MAP4K1: variants seen among roughly 807,000 people sequenced by gnomAD.
MAP4K1 encodes the protein MAPK/ERK kinase kinase kinase 1.
In MAP4K1, 35 loss-of-function variants were observed where a neutral mutation model predicts 122.8. That is an observed-to-expected ratio of 0.29 (90% CI 0.22 to 0.38). MAP4K1 has a LOEUF of 0.38. Ranked by LOEUF, MAP4K1 falls within the 10% of genes least tolerant of loss-of-function variation. The pLI is 1.00. For synonymous variants in MAP4K1, 412 were observed against 421.3 expected (o/e 0.98, Z 0.27); for missense variants, 791 against 1,072.6 (o/e 0.74, Z 3.67).
intron 12 of MAP4K1, 41 bp from the exon 13 acceptor site, chr19:38,609,715 A>G (rs1300751435): frequency 1.3e-6 from 2 of 1,565,814 alleles, no homozygotes; most frequent in South Asian, 2.3e-5. Context: ...AAGACCCCCA[A>G]GCAGCCTCCT....
intron 4 of MAP4K1, 41 bp downstream of exon 4, chr19:38,616,154 G>A (rs745505321): frequency 6.5e-7 from 1 of 1,527,908 alleles, no homozygotes; most frequent in Non-Finnish European, 9.0e-7. Context: ...GGGGGGTGGG[G>A]ATAGGGAGGG....
chr19:38,607,024 G>T (rs1056292151), intron 16 of MAP4K1, among the ~76,000 whole-genome samples: 3 of 152,080 alleles, frequency 2.0e-5, no homozygotes, highest in African/African-American at 7.2e-5. Context: ...GCCTGAGGGC[G>T]GGCAAAAAGA....
rs535773171 is a variant in MAP4K1 at position 38,588,511 on chromosome 19, T to C, written c.2397-694A>G. ...TTCAAGACCAGCCTGGCCAATATGG[T>C]GAATCCCATCTCTACTAAAACTACA... On this transcript the variant is annotated intron_variant, in intron 30 of 30. Transcript: ENST00000396857. Among the ~76,000 whole-genome samples the C allele has an allele frequency of 6.6e-3, 1,007 of 151,892 alleles. 5 individuals are homozygous for C. Among genetic ancestry groups the C allele is most frequent in the Non-Finnish European group, 9.2e-3 (625 of 67,950 alleles).
chr19:38,593,205 C>G, intron 30 of MAP4K1, 77 bp downstream of exon 30: 1 of 1,398,950 alleles, frequency 7.1e-7, no homozygotes, highest in East Asian at 2.4e-5. Flanking sequence ...AGATACCTTG[C>G]TGGGGACACC....
chr19:38,596,856 G>C (rs1974903250), intron 25 of MAP4K1, among the ~76,000 whole-genome samples, 178 bp downstream of exon 25: 1 of 152,202 alleles, frequency 6.6e-6, no homozygotes, highest in Admixed American at 6.5e-5. Context: ...TTAAGGATCA[G>C]GATGGCTTCA....
intron 4 of MAP4K1, 119 bp downstream of exon 4, chr19:38,616,076 T>C (rs1384746535): frequency 1.0e-5 from 7 of 674,304 alleles, no homozygotes; most frequent in African/African-American, 7.8e-5. Flanking sequence ...GTTTGAAATA[T>C]GGCCCAGAAA....
chr19:38,615,971 T>TA (rs746145466), intron 4 of MAP4K1, among the ~76,000 whole-genome samples: 3,147 of 107,374 alleles, frequency 0.029, 58 homozygotes, highest in Middle Eastern at 0.091. Context: ...GCAGTTATAT[T>TA]AAAAAAAAAA....
At chr19:38,606,074 T>C in intron 17 of MAP4K1, 99 bp downstream of exon 17, 1 of 952,714 alleles carries the variant, frequency 1.0e-6, no homozygotes. Flanking sequence ...CCCAATTCCC[T>C]GCCCTGGAGA....
intron 19 of MAP4K1, 134 bp from the exon 20 acceptor site, chr19:38,601,659 TA>T: frequency 1.5e-6 from 1 of 657,632 alleles, no homozygotes; most frequent in Non-Finnish European, 2.7e-6. Flanking sequence ...CAATTTCCCA[TA>T]ATCTATCCCT....
intron 19 of MAP4K1, among the ~76,000 whole-genome samples, chr19:38,604,518 CG>C (rs1220330063): frequency 1.3e-5 from 2 of 152,066 alleles, no homozygotes; most frequent in Non-Finnish European, 2.9e-5. Context: ...TAGCTGGGCG[CG>C]GTGGCTCATG....
At chr19:38,588,811 C>T (rs1599682203) in intron 30 of MAP4K1, among the ~76,000 whole-genome samples, 2 of 151,130 alleles carry the variant, frequency 1.3e-5, no homozygotes, top group African/African-American at 2.4e-5. Context: ...CCCAGCTATT[C>T]GGGAGGCTGA....
rs1345566291 is a variant in MAP4K1 at position 38,608,160 on chromosome 19, C to G, written c.1017G>C (p.Met339Ile). 1.3e-6 allele frequency: 2 copies of G among 1,518,836 alleles called. No homozygotes were observed. Among genetic ancestry groups the G allele is most frequent in the Non-Finnish European group, 1.8e-6 (2 of 1,135,414 alleles). 94.1% of individuals were successfully genotyped at this position (1,518,836 alleles called of 1,614,324 possible). A position where few individuals can be genotyped will look rare whatever the true frequency, so the allele number is the denominator to read the frequency against. ...CCATTCCTCGGAGCTTCCTGAACTC[C>G]ATGTGCCGCCCTAGGGTGGGTGGGG... ...IPDADCCRRH[M>I]EFRKLRGMET... The change falls in exon 14 of 31, where the codon ATG (methionine) becomes ATC (isoleucine). Residue 339 changes from methionine (M) to isoleucine (I), a missense_variant. Physicochemically the swap from Met to Ile is conservative, Grantham distance 10. This residue lies in a region of MAP4K1 where 303 missense variants were observed against 344.8 expected (regional missense o/e 0.88). Transcript: ENST00000396857.
At chr19:38,613,769 A>C in intron 8 of MAP4K1, 111 bp downstream of exon 8, 2 of 797,914 alleles carry the variant, frequency 2.5e-6, no homozygotes, top group Non-Finnish European at 4.0e-6. Flanking sequence ...TCTTCCAAGG[A>C]GAAAGGACGA....
intron 30 of MAP4K1, among the ~76,000 whole-genome samples, chr19:38,590,416 T>A (rs1348349886): frequency 1.5e-4 from 14 of 92,038 alleles, no homozygotes; most frequent in African/African-American, 5.3e-4. Context: ...TATATATATA[T>A]ATATATATAT....
chr19:38,606,069 T>A (rs1975320445), intron 17 of MAP4K1, 104 bp downstream of exon 17: 1 of 904,934 alleles, frequency 1.1e-6, no homozygotes, highest in Non-Finnish European at 1.7e-6. Flanking sequence ...GTCTCCCCAA[T>A]TCCCTGCCCT....
intron 20 of MAP4K1, 80 bp downstream of exon 20, chr19:38,601,361 G>A: frequency 7.6e-7 from 1 of 1,309,218 alleles, no homozygotes. Context: ...CTGCCTTTGT[G>A]CCTTCCTTAG....
chr19:38,617,380 G>C lies in MAP4K1; in HGVS notation c.222C>G (p.Ile74Met). ...AGAGATAACTCCCATGGTAGGCCAC[G>C]ATGTTGGCGTGCCGGCAAGTTTTCA... ...LILKTCRHAN[I>M]VAYHGSYLWL... The change falls in exon 3 of 31, where the codon ATC becomes ATG. Residue 74 changes from isoleucine (I) to methionine (M), a missense_variant. Physicochemically the swap from Ile to Met is conservative, Grantham distance 10. Coordinates refer to ENST00000396857, the MANE Select transcript of MAP4K1 (RefSeq NM_001042600.3). This position sits in a 1 kb window ranked among gnomAD's most constrained non-coding sequence, Gnocchi z 4.1. 1 of 1,613,812 alleles carries C rather than the reference G, an allele frequency of 6.2e-7. No individual in the cohort carries two copies. Among genetic ancestry groups the C allele is most frequent in the Non-Finnish European group, 8.5e-7 (1 of 1,179,898 alleles).
chr19:38,611,027 G>A, intron 11 of MAP4K1, 24 bp downstream of exon 11: 1 of 1,594,486 alleles, frequency 6.3e-7, no homozygotes, highest in Non-Finnish European at 8.6e-7. Flanking sequence ...CCTAGGCTGA[G>A]GATCTTGGGG....
chr19:38,616,137 C>CG lies in MAP4K1; in HGVS notation c.313+57dup, dbSNP rs111720103. The CG allele has an allele frequency of 1.5e-3, 1,668 of 1,124,820 alleles. 18 individuals carry two copies. The East Asian group carries it at 0.02, about 13-fold the overall frequency. The allele number at this position is 1,124,820 out of a possible 1,614,324, so 69.7% of individuals were successfully genotyped here. Reference sequence around the variant, plus strand: ...AGAGACGGAAGAGGTGAATTTGGGTCGGGGTTGGGGGGTGGGGATAGGGAG... The same window carrying CG: ...AGAGACGGAAGAGGTGAATTTGGGTCGGGGGTTGGGGGGTGGGGATAGGGAG... On this transcript the variant is annotated intron_variant, in intron 4 of 30. Coordinates refer to ENST00000396857, the MANE Select transcript of MAP4K1 (RefSeq NM_001042600.3).
Sources: gnomAD v4.1 joint callset for allele counts (sites outside exome capture counted in the v4.1 genomes callset) on GRCh38, gnomAD v4.1.1 for gene constraint, gnomAD v4.1.1 regional missense constraint, Gnocchi (gnomAD v3.1) non-coding constraint, MANE v1.5 for transcripts, NCBI Gene and HGNC (gene_info 2026-07-23, HGNC 2026-07-21) for gene names.